Variants in COQ3 observed in about 807,000 individuals in gnomAD.
COQ3 encodes ubiquinone biosynthesis O-methyltransferase, mitochondrial.
COQ3 carries 29 observed loss-of-function variants against 33.1 expected under a neutral mutation model. The observed-to-expected ratio is 0.88, with a 90% CI of 0.65 to 1.19. The LOEUF is 1.19. COQ3 is among the 50% of genes most tolerant of loss of function. The pLI, the probability that COQ3 is intolerant of heterozygous loss-of-function variation, is 0.00. For missense variants in COQ3, 437 were observed against 430.7 expected, an observed-to-expected ratio of 1.01 and a Z score of -0.13; for synonymous variants, 173 against 157.8, an observed-to-expected ratio of 1.10 and a Z score of -0.72.
chr6:99,390,330 T>C (rs1774787514), intron 1 of COQ3, among the ~76,000 whole-genome samples: 1 of 113,296 alleles, frequency 8.8e-6, no homozygotes, highest in Admixed American at 1.3e-4. Context: ...CATACAATGT[T>C]AAACTTTTTT....
At chr6:99,389,411 C>T (rs1000852580) in intron 1 of COQ3, among the ~76,000 whole-genome samples, 1 of 152,212 alleles carries the variant, frequency 6.6e-6, no homozygotes, top group African/African-American at 2.4e-5. Flanking sequence ...AGACGTGAGC[C>T]ACCGCACCCA....
At chr6:99,375,475 C>T (rs557775758) in intron 5 of COQ3, among the ~76,000 whole-genome samples, 1 of 152,016 alleles carries the variant, frequency 6.6e-6, no homozygotes, top group Admixed American at 6.6e-5. Context: ...CCTCCACCTC[C>T]AGGGTTCAAG....
chr6:99,371,199 T>A (rs1774132607), intron 6 of COQ3, among the ~76,000 whole-genome samples: 1 of 152,194 alleles, frequency 6.6e-6, no homozygotes, highest in Admixed American at 6.5e-5. Flanking sequence ...TCATTGATCA[T>A]CTGTTATCTG....
At chr6:99,373,833 A>G (rs1478221337) in intron 5 of COQ3, among the ~76,000 whole-genome samples, 2 of 152,084 alleles carry the variant, frequency 1.3e-5, no homozygotes, top group Non-Finnish European at 2.9e-5. Context: ...CTCTACAAAA[A>G]AGTAAAATAT....
chr6:99,377,552 G>T, intron 3 of COQ3, 67 bp from the exon 4 acceptor site: 1 of 1,119,900 alleles, frequency 8.9e-7, no homozygotes, highest in Non-Finnish European at 1.3e-6. Flanking sequence ...GTCACAAAGT[G>T]TGTAGTTTTC....
At chr6:99,387,925 G>A (rs983394815) in intron 1 of COQ3, among the ~76,000 whole-genome samples, 1 of 152,178 alleles carries the variant, frequency 6.6e-6, no homozygotes, top group African/African-American at 2.4e-5. Flanking sequence ...AGCACTTTGG[G>A]AGGCCGAGGC....
chr6:99,390,867 T>C (rs189360097), intron 1 of COQ3, among the ~76,000 whole-genome samples: 1 of 152,262 alleles, frequency 6.6e-6, no homozygotes. Flanking sequence ...TTAATGTAGT[T>C]TCAATTTATC....
chr6:99,376,155 TA>T lies in COQ3; in HGVS notation c.513del (p.Ile172LeufsTer27). The T allele has an allele frequency of 6.2e-7, 1 of 1,614,078 alleles. No homozygotes were observed. Among genetic ancestry groups the T allele is most frequent in the South Asian group, 1.1e-5 (1 of 91,084 alleles). ...TEPLGRLGAS[V>X]IGIDPVDENI... The stretch of plus-strand genomic sequence containing the variant: ...TTCTCATCCACAGGGTCGATTCCAA[TA>T]ACTGAAGCCCCAAGCCGCCCTAGAG... On this transcript the variant is annotated frameshift_variant, in exon 5 of 7. Transcript: ENST00000254759. LOFTEE classifies it high-confidence loss of function.
intron 1 of COQ3, among the ~76,000 whole-genome samples, chr6:99,392,948 C>A (rs1024337493): frequency 6.6e-6 from 1 of 152,108 alleles, no homozygotes; most frequent in Non-Finnish European, 1.5e-5. Flanking sequence ...TTTCCTTGAT[C>A]CCAAATATGG....
Position 99,376,080 on chromosome 6 carries a change from T to C in COQ3, c.589A>G (p.Arg197Gly). The C allele has an allele frequency of 6.2e-7, 1 of 1,614,160 alleles. No homozygotes were observed. The highest frequency in any genetic ancestry group is 1.3e-5 in the African/African-American group (1 of 75,066). Residue 197 changes from arginine to glycine, a missense_variant, in exon 5 of 7, where the codon AGA becomes GGA. Coordinates refer to ENST00000254759, the MANE Select transcript of COQ3 (RefSeq NM_017421.4). ...AGGGAACACACTCTGTACTCTATTC[T>C]CTTATCCAGGACTGGATCAAATGAT... ...HKSFDPVLDK[R>G]IEYRVCSLEE...
intron 4 of COQ3, among the ~76,000 whole-genome samples, chr6:99,377,090 A>C: frequency 2.1e-5 from 3 of 145,308 alleles, no homozygotes; most frequent in East Asian, 2.1e-4. Flanking sequence ...GCTCACTGCA[A>C]CCTCTGCCTC....
At chr6:99,380,371 A>G (rs1415286776) in intron 2 of COQ3, 30 bp from the exon 3 acceptor site, 89 of 1,608,186 alleles carry the variant, frequency 5.5e-5, no homozygotes, top group Non-Finnish European at 7.5e-5. Flanking sequence ...AACCAAGCAA[A>G]TACTGCTGTT....
In COQ3 at chr6:99,371,537, A is replaced by G. The variant is rs760166226; in HGVS notation, c.780T>C (p.Tyr260=). 1.2e-6 allele frequency: 2 copies of G among 1,607,828 alleles called. No homozygotes were observed. Among genetic ancestry groups the G allele is most frequent in the South Asian group, 1.1e-5 (1 of 89,874 alleles). ...GCTCTGAAAAAACAATTCCCAAGGC[A>G]TAGGAAAGTTGTGTTTTGTTGATTG... The part of the protein sequence containing the change: ...ITTINKTQLS[Y]ALGIVFSEQI... Residue 260 remains tyrosine (Y), a synonymous_variant, in exon 6 of 7, where the codon TAT becomes TAC. Coordinates refer to ENST00000254759, the MANE Select transcript of COQ3 (RefSeq NM_017421.4).
Position 99,377,502 on chromosome 6 carries a change from A to G in COQ3, c.387-17T>C. 6.6e-7 allele frequency: 1 copy of G among 1,520,892 alleles called. No individual in the cohort carries two copies. Among genetic ancestry groups the G allele is most frequent in the Non-Finnish European group, 9.0e-7 (1 of 1,107,396 alleles). The allele number at this position is 1,520,892 out of a possible 1,614,324, so 94.2% of individuals were successfully genotyped here. ...AGATTGTCCCTTTTTTAAAAAATTC[A>G]AAACATACCAAAACAAATAATTAAT... On this transcript the variant is annotated splice_polypyrimidine_tract_variant and intron_variant, in intron 3 of 6. Transcript: ENST00000254759.
intron 2 of COQ3, among the ~76,000 whole-genome samples, chr6:99,380,932 T>C (rs903206339): frequency 6.6e-6 from 1 of 150,546 alleles, no homozygotes; most frequent in African/African-American, 2.4e-5. Context: ...ATAATAATAA[T>C]AGCTACCATT....
At chr6:99,391,971 C>T (rs145348768) in intron 1 of COQ3, among the ~76,000 whole-genome samples, 2 of 152,080 alleles carry the variant, frequency 1.3e-5, no homozygotes, top group Admixed American at 1.3e-4. Flanking sequence ...TGCACTCTAA[C>T]CTGGGATACA....
chr6:99,371,743 T>C (rs888520712), intron 5 of COQ3, among the ~76,000 whole-genome samples, 156 bp from the exon 6 acceptor site: 3 of 152,052 alleles, frequency 2.0e-5, no homozygotes, highest in South Asian at 2.1e-4. Context: ...CAAAATAGCA[T>C]TTTTTTTCTC....
intron 4 of COQ3, among the ~76,000 whole-genome samples, chr6:99,376,409 T>C (rs1414097843): frequency 6.6e-6 from 1 of 152,088 alleles, no homozygotes; most frequent in Admixed American, 6.6e-5. Flanking sequence ...AACAAAAAAC[T>C]GATAAAAAAC....
intron 6 of COQ3, among the ~76,000 whole-genome samples, chr6:99,370,188 A>T (rs1774087763): frequency 6.6e-6 from 1 of 152,192 alleles, no homozygotes; most frequent in South Asian, 2.1e-4. Flanking sequence ...TAGATGAGCT[A>T]TATGTGTAAA....
Sources: allele counts gnomAD v4.1 joint callset (sites outside exome capture counted in the v4.1 genomes callset), GRCh38; gene constraint gnomAD v4.1.1; transcripts MANE v1.5; gene names NCBI Gene and HGNC (gene_info 2026-07-23, HGNC 2026-07-21).